Variants in OSBPL6 observed in about 807,000 individuals in gnomAD.
OSBPL6 encodes the protein oxysterol binding protein like 6.
Under a neutral mutation model 125.8 loss-of-function variants are expected in OSBPL6, and 49 were observed. The observed-to-expected ratio is 0.39, with a 90% CI of 0.31 to 0.49. The LOEUF (loss-of-function observed/expected upper bound fraction) is 0.49, where lower values mean the gene tolerates loss of function less well. Among genes scored for constraint, OSBPL6 ranks in the 20% least tolerant of loss-of-function variants. OSBPL6 has a pLI of 0.88. For missense variants in OSBPL6, 986 were observed against 1,135.4 expected, an observed-to-expected ratio of 0.87 and a Z score of 1.89; for synonymous variants, 394 against 391.8, an observed-to-expected ratio of 1.01 and a Z score of -0.07.
chr2:178,367,418 C>T (rs1692940479), intron 13 of OSBPL6, among the ~76,000 whole-genome samples: 2 of 152,108 alleles, frequency 1.3e-5, no homozygotes, highest in Admixed American at 1.3e-4. Flanking sequence ...TTATTTTTAT[C>T]TAAAATGTTT....
chr2:178,395,629 T>G lies in OSBPL6; in HGVS notation c.*70T>G, dbSNP rs1180302397. The stretch of plus-strand genomic sequence containing the variant: ...AAATAACTATGCACAATTATGTTTC[T>G]TATAGCTATGTGTGGTTTCTGGGTC... On this transcript the variant is annotated 3_prime_UTR_variant, in exon 25 of 25. Coordinates refer to ENST00000190611, the MANE Select transcript of OSBPL6 (RefSeq NM_032523.4). 14 of 1,213,466 alleles carry G rather than the reference T, an allele frequency of 1.2e-5. No individual in the cohort carries two copies. The Admixed American group carries it at 2.5e-4, about 22-fold the overall frequency. The allele number at this position is 1,213,466 out of a possible 1,614,324, so 75.2% of individuals were successfully genotyped here.
chr2:178,269,988 G>A (rs752284756), intron 1 of OSBPL6, among the ~76,000 whole-genome samples: 6 of 152,216 alleles, frequency 3.9e-5, no homozygotes, highest in Non-Finnish European at 8.8e-5. Context: ...GCTGCAGAAT[G>A]TCAGGCAGGG....
chr2:178,375,663 T>G (rs1412620981), intron 15 of OSBPL6, among the ~76,000 whole-genome samples: 1 of 152,174 alleles, frequency 6.6e-6, no homozygotes, highest in Non-Finnish European at 1.5e-5. Context: ...CCTCAGGTGA[T>G]CCGCCTGCCT....
At chr2:178,311,178 A>T (rs1453493547) in intron 3 of OSBPL6, among the ~76,000 whole-genome samples, 1 of 152,118 alleles carries the variant, frequency 6.6e-6, no homozygotes, top group Non-Finnish European at 1.5e-5. Context: ...GTTCCCTTTA[A>T]GTGGTTCTCT....
rs756810077 is a variant in OSBPL6 at position 178,339,050 on chromosome 2, A to G, written c.850A>G (p.Ile284Val). The G allele has an allele frequency of 1.2e-6, 2 of 1,613,572 alleles. No homozygotes were observed. Among genetic ancestry groups the G allele is most frequent in the South Asian group, 2.2e-5 (2 of 91,000 alleles). The change falls in exon 10 of 25, where the codon ATA becomes GTA. Residue 284 changes from isoleucine (I) to valine (V), a missense_variant. Transcript: ENST00000190611. ...TAGCAAACTCCTGCAAAATTTGGAA[A>G]TACTTCAGAGAACTCAGTCGGCACC... ...ELSKLLQNLE[I>V]LQRTQSAPNF...
At chr2:178,256,036 C>A (rs549851199) in intron 1 of OSBPL6, among the ~76,000 whole-genome samples, 81 of 152,292 alleles carry the variant, frequency 5.3e-4, no homozygotes, top group South Asian at 1.9e-3. Flanking sequence ...AGAAGCTCAG[C>A]TCCTCTTGGG....
At chr2:178,336,178 T>C in intron 8 of OSBPL6, 123 bp from the exon 9 acceptor site, 1 of 1,258,648 alleles carries the variant, frequency 7.9e-7, no homozygotes, top group Non-Finnish European at 1.1e-6. Context: ...AGAGGCTTCT[T>C]CCATGTTTTG....
intron 3 of OSBPL6, among the ~76,000 whole-genome samples, chr2:178,309,573 A>G (rs960797586): frequency 6.6e-6 from 1 of 152,230 alleles, no homozygotes; most frequent in African/African-American, 2.4e-5. Context: ...GAGCTACGAA[A>G]TAAAATGACT....
intron 1 of OSBPL6, among the ~76,000 whole-genome samples, chr2:178,200,732 T>C (rs2089203021): frequency 6.6e-6 from 1 of 152,208 alleles, no homozygotes; most frequent in Non-Finnish European, 1.5e-5. Context: ...ACATTTTCTT[T>C]CTAAAACAGA....
chr2:178,241,224 G>A (rs1308583509), intron 1 of OSBPL6, among the ~76,000 whole-genome samples: 2 of 149,720 alleles, frequency 1.3e-5, no homozygotes, highest in African/African-American at 2.5e-5. Flanking sequence ...AGCAATTCTC[G>A]TGCCCCAGCT....
intron 13 of OSBPL6, among the ~76,000 whole-genome samples, chr2:178,364,319 C>T (rs1486239380): frequency 6.6e-6 from 1 of 152,168 alleles, no homozygotes; most frequent in Admixed American, 6.5e-5. Flanking sequence ...AGAACTATTA[C>T]AGCATATTTC....
rs374001339 is a variant in OSBPL6, at chr2:178,219,477, C to G, written c.-351+24803C>G. Among the ~76,000 whole-genome samples the G allele has an allele frequency of 3.0e-4, 45 of 152,256 alleles. 2 individuals carry two copies. The East Asian group carries it at 7.9e-3, about 27-fold the overall frequency. ...ATAACAATTGGGTTTGGAGATAGCA[C>G]CCTAGGGGCCAAGGGTGTCATTTAC... On this transcript the variant is annotated intron_variant, in intron 1 of 24. Coordinates refer to ENST00000190611, the MANE Select transcript of OSBPL6 (RefSeq NM_032523.4).
At chr2:178,390,953 T>C in intron 21 of OSBPL6, 120 bp from the exon 22 acceptor site, 2 of 1,304,754 alleles carry the variant, frequency 1.5e-6, no homozygotes, top group Non-Finnish European at 2.1e-6. Context: ...GAGATTTCTG[T>C]ATTTCTGAAA....
At chr2:178,204,993 C>A (rs1429871203) in intron 1 of OSBPL6, among the ~76,000 whole-genome samples, 1 of 152,182 alleles carries the variant, frequency 6.6e-6, no homozygotes, top group Non-Finnish European at 1.5e-5. Flanking sequence ...CCTTTACCCC[C>A]ACACTGTACC....
At chr2:178,312,487 G>A (rs1056779750) in intron 3 of OSBPL6, among the ~76,000 whole-genome samples, 4 of 138,978 alleles carry the variant, frequency 2.9e-5, no homozygotes, top group East Asian at 2.2e-4. Flanking sequence ...ACAGAGTTTC[G>A]CTTTGTTGCC....
intron 1 of OSBPL6, among the ~76,000 whole-genome samples, chr2:178,279,833 A>G (rs1683959275): frequency 6.6e-6 from 1 of 152,208 alleles, no homozygotes; most frequent in African/African-American, 2.4e-5. Context: ...TTATACACTT[A>G]TCACCTTTGG....
At position 178,335,245 on chromosome 2, in the gene OSBPL6, C is replaced by T. The variant is rs560420050; in HGVS notation, c.658-1056C>T. Among the ~76,000 whole-genome samples, 238 of 151,376 alleles carry T rather than the reference C, an allele frequency of 1.6e-3. 1 individual carries two copies. Among genetic ancestry groups the T allele is most frequent in the African/African-American group, 5.4e-3 (223 of 41,300 alleles). ...TGATGAAAATATATTATTTTCATCC[C>T]TTATTTGTTAAATAACTTGGGTGAT... On this transcript the variant is annotated intron_variant, in intron 8 of 24. Coordinates refer to ENST00000190611, the MANE Select transcript of OSBPL6 (RefSeq NM_032523.4).
At chr2:178,284,298 A>G (rs774801323) in intron 1 of OSBPL6, among the ~76,000 whole-genome samples, 3 of 152,192 alleles carry the variant, frequency 2.0e-5, no homozygotes, top group Admixed American at 6.5e-5. Context: ...TCAGCCTGTA[A>G]TCCCAGCCCT....
In OSBPL6 at chr2:178,242,935, AT is replaced by A. The variant is rs573164168; in HGVS notation, c.-350-41985del. Among the ~76,000 whole-genome samples, 26 of 152,002 alleles carry A rather than the reference AT, an allele frequency of 1.7e-4. No homozygotes were observed. The East Asian group carries it at 1.9e-3, about 11-fold the overall frequency. ...ATAAAACCTTAGAAAATGCAGCCAT[AT>A]TTTTTTCTTATGTAAAGTTTATTTA... On this transcript the variant is annotated intron_variant, in intron 1 of 24. Transcript: ENST00000190611.
Sources: allele counts gnomAD v4.1 joint callset (sites outside exome capture counted in the v4.1 genomes callset), GRCh38; gene constraint gnomAD v4.1.1; transcripts MANE v1.5; gene names NCBI Gene and HGNC (gene_info 2026-07-23, HGNC 2026-07-21).